SNTG2: variants seen among roughly 807,000 people sequenced by gnomAD.
SNTG2 encodes gamma-2-syntrophin.
In SNTG2, 74 loss-of-function variants were observed where a neutral mutation model predicts 70.9. The observed-to-expected ratio is 1.04, with a 90% CI of 0.86 to 1.27. The LOEUF is 1.27. Ranked by LOEUF, SNTG2 falls within the 50% of genes most tolerant of loss-of-function variation. The pLI is 0.00. For synonymous variants in SNTG2, 278 were observed against 273.8 expected, an observed-to-expected ratio of 1.02 and a Z score of -0.15; for missense variants, 717 against 690.7, an observed-to-expected ratio of 1.04 and a Z score of -0.43.
intron 14 of SNTG2, 35 bp downstream of exon 14, chr2:1,267,606 CTGCT>C: frequency 5.7e-6 from 9 of 1,581,438 alleles, no homozygotes; most frequent in Non-Finnish European, 7.8e-6. Context: ...TCACCTACAC[CTGCT>C]CGGGTGTCTG....
chr2:1,038,089 A>G (rs1476532416), intron 1 of SNTG2, among the ~76,000 whole-genome samples: 1 of 152,192 alleles, frequency 6.6e-6, no homozygotes, highest in Non-Finnish European at 1.5e-5. Flanking sequence ...ACGTCTGAGC[A>G]ATTATGTATC....
chr2:1,257,432 G>A (rs1398098064), intron 12 of SNTG2, among the ~76,000 whole-genome samples: 1 of 152,148 alleles, frequency 6.6e-6, no homozygotes, highest in Admixed American at 6.5e-5. Context: ...GAATAAACGA[G>A]TAGGAGGAAG....
In SNTG2 at chr2:1,083,666, T is replaced by A. The variant is rs1250644778; in HGVS notation, c.210+11T>A. On this transcript the variant is annotated intron_variant, in intron 2 of 16. Coordinates refer to ENST00000308624, the MANE Select transcript of SNTG2 (RefSeq NM_018968.4). ...CACCAGGGCAGGAATGTAAGTGCCATCACTTCAGGGAAGTCTTGGAGTGTT... is the reference window on the plus strand; with the variant it reads ...CACCAGGGCAGGAATGTAAGTGCCAACACTTCAGGGAAGTCTTGGAGTGTT... 6.2e-7 allele frequency: 1 copy of A among 1,613,708 alleles called. No homozygotes were observed.
intron 1 of SNTG2, among the ~76,000 whole-genome samples, chr2:1,021,569 T>C (rs1228059361): frequency 6.6e-6 from 1 of 152,090 alleles, no homozygotes; most frequent in Non-Finnish European, 1.5e-5. Context: ...TTGATATAAC[T>C]TATTTTTTGC....
chr2:1,241,184 C>T (rs1026072475), intron 11 of SNTG2, among the ~76,000 whole-genome samples: 6 of 152,182 alleles, frequency 3.9e-5, no homozygotes, highest in African/African-American at 1.2e-4. Context: ...TAGGAGGAGC[C>T]GCAGCTTCTG....
At chr2:1,057,438 C>T (rs1272000192) in intron 1 of SNTG2, among the ~76,000 whole-genome samples, 1 of 152,098 alleles carries the variant, frequency 6.6e-6, no homozygotes, top group Non-Finnish European at 1.5e-5. Flanking sequence ...TGAACATAGT[C>T]CGTCTGCAAG....
At chr2:1,203,775 A>G (rs1020458966) in intron 8 of SNTG2, among the ~76,000 whole-genome samples, 1 of 151,778 alleles carries the variant, frequency 6.6e-6, no homozygotes, top group Non-Finnish European at 1.5e-5. Flanking sequence ...AGATGCAGAA[A>G]TTCTTCAACA....
intron 1 of SNTG2, 33 bp downstream of exon 1, chr2:951,101 C>G: frequency 8.6e-7 from 1 of 1,163,732 alleles, no homozygotes; most frequent in Non-Finnish European, 1.1e-6. Flanking sequence ...CCTTCACCTC[C>G]GGCCCCCCTT....
chr2:1,254,833 A>G (rs1316380288), intron 12 of SNTG2, among the ~76,000 whole-genome samples: 2 of 152,210 alleles, frequency 1.3e-5, no homozygotes, highest in Non-Finnish European at 2.9e-5. Flanking sequence ...TTGTTCCATG[A>G]GAGTCTGGAG....
intron 4 of SNTG2, among the ~76,000 whole-genome samples, chr2:1,117,984 A>C (rs547608577): frequency 6.6e-6 from 1 of 152,218 alleles, no homozygotes; most frequent in South Asian, 2.1e-4. Context: ...TCCCAGGGCC[A>C]TGACAGTGCT....
At chr2:1,170,640 G>C (rs28475077) in intron 7 of SNTG2, among the ~76,000 whole-genome samples, 44 of 152,176 alleles carry the variant, frequency 2.9e-4, no homozygotes, top group African/African-American at 1.1e-3. Flanking sequence ...CCAATGTCGC[G>C]GGCATCGGTG....
chr2:1,105,461 CCCG>C (rs1572443250), intron 4 of SNTG2, among the ~76,000 whole-genome samples: 1 of 152,178 alleles, frequency 6.6e-6, no homozygotes, highest in East Asian at 1.9e-4. Flanking sequence ...GGTGTGTGCA[CCCG>C]CCAAGGCTCA....
chr2:1,301,100 C>G (rs977318724), intron 14 of SNTG2, among the ~76,000 whole-genome samples: 3 of 152,050 alleles, frequency 2.0e-5, no homozygotes, highest in Non-Finnish European at 4.4e-5. Flanking sequence ...TCACAGCACT[C>G]AGCTCAAGCC....
chr2:1,036,557 T>C (rs930378263), intron 1 of SNTG2, among the ~76,000 whole-genome samples: 1 of 152,228 alleles, frequency 6.6e-6, no homozygotes, highest in African/African-American at 2.4e-5. Flanking sequence ...GTTTTTAATT[T>C]GATTCTATGT....
At chr2:1,192,058 T>C (rs184065547) in intron 8 of SNTG2, among the ~76,000 whole-genome samples, 1 of 152,286 alleles carries the variant, frequency 6.6e-6, no homozygotes, top group Admixed American at 6.5e-5. Flanking sequence ...ATTAACATAT[T>C]TTTAGATAAA....
At chr2:1,120,712 A>G (rs1261718505) in intron 4 of SNTG2, among the ~76,000 whole-genome samples, 2 of 152,182 alleles carry the variant, frequency 1.3e-5, no homozygotes, top group Admixed American at 6.5e-5. Flanking sequence ...CATAACAATC[A>G]TAAACATATA....
At chr2:1,204,940 C>G (rs976687913) in intron 8 of SNTG2, among the ~76,000 whole-genome samples, 2 of 152,084 alleles carry the variant, frequency 1.3e-5, no homozygotes, top group African/African-American at 2.4e-5. Context: ...TTTTTATTAT[C>G]TGTGATCTAA....
intron 1 of SNTG2, among the ~76,000 whole-genome samples, chr2:1,048,109 T>A (rs1661841981): frequency 1.3e-5 from 2 of 152,218 alleles, no homozygotes; most frequent in Admixed American, 1.3e-4. Flanking sequence ...TCATCCCTAT[T>A]TCAATTCTTT....
intron 9 of SNTG2, among the ~76,000 whole-genome samples, chr2:1,225,997 C>T (rs1042562656): frequency 6.0e-5 from 9 of 150,802 alleles, no homozygotes; most frequent in South Asian, 2.1e-4. Context: ...ATTCACTACA[C>T]TGGAAAAAAG....
Sources: gnomAD v4.1 joint callset for allele counts (sites outside exome capture counted in the v4.1 genomes callset) on GRCh38, gnomAD v4.1.1 for gene constraint, MANE v1.5 for transcripts, NCBI Gene and HGNC (gene_info 2026-07-23, HGNC 2026-07-21) for gene names.